ZNF486: variants seen among roughly 807,000 people sequenced by gnomAD.
ZNF486 encodes the protein KRAB box only protein 2.
ZNF486 carries 12 observed loss-of-function variants against 12.8 expected under a neutral mutation model. The observed-to-expected ratio is 0.94, with a 90% CI of 0.60 to 1.52. The LOEUF (loss-of-function observed/expected upper bound fraction) is 1.52, where lower values mean the gene tolerates loss of function less well. Ranked by LOEUF, ZNF486 falls within the 40% of genes most tolerant of loss-of-function variation. The probability of loss-of-function intolerance (pLI) is 0.00; values close to 1 mark genes in which losing one functional copy is unlikely to be tolerated. For synonymous variants in ZNF486, 231 were observed against 184.9 expected, an observed-to-expected ratio of 1.25 and a Z score of -2.02; for missense variants, 738 against 545.0, an observed-to-expected ratio of 1.35 and a Z score of -3.53.
chr19:20,167,308 G>A lies in ZNF486; in HGVS notation c.-23G>A, dbSNP rs1555713142. On this transcript the variant is annotated 5_prime_UTR_variant, in exon 1 of 4. Coordinates refer to ENST00000335117, the MANE Select transcript of ZNF486 (RefSeq NM_052852.4). ...CCCTCTGTGGCCCTGTGTCCTGTAG[G>A]TATTGGGAGATCCACAGCCAAGATG... is the stretch of plus-strand genomic sequence containing the variant. The A allele has an allele frequency of 6.2e-7, 1 of 1,614,088 alleles. No homozygotes were observed. The highest frequency in any genetic ancestry group is 1.1e-5 in the South Asian group (1 of 91,068).
At chr19:20,175,107 A>G (rs2089691088) in intron 1 of ZNF486, 1 of 152,176 alleles carries the variant, frequency 6.6e-6, no homozygotes, top group Non-Finnish European at 1.5e-5. Context: ...TGGGAAAGAA[A>G]CTTTATAAAA....
At chr19:20,172,248 C>T (rs539705595) in intron 1 of ZNF486, among the ~76,000 whole-genome samples, 23 of 152,154 alleles carry the variant, frequency 1.5e-4, no homozygotes, top group South Asian at 4.1e-4. Flanking sequence ...GGTGATTACC[C>T]GGCCTCAGCC....
chr19:20,178,675 G>A lies in ZNF486; in HGVS notation c.31-5681G>A, dbSNP rs184055818. ...AGGCTTCCAGTCAATTCACACTTGT[G>A]CAGCAAAGTGCATGCTGTCCCCTAA... On this transcript the variant is annotated intron_variant, in intron 1 of 3. Coordinates refer to ENST00000335117, the MANE Select transcript of ZNF486 (RefSeq NM_052852.4). Among the ~76,000 whole-genome samples, 171 of 152,306 alleles carry A rather than the reference G, an allele frequency of 1.1e-3. 1 individual carries two copies. The highest frequency in any genetic ancestry group is 3.9e-3 in the African/African-American group (161 of 41,562).
At chr19:20,172,551 G>A (rs558512873) in intron 1 of ZNF486, among the ~76,000 whole-genome samples, 20 of 152,086 alleles carry the variant, frequency 1.3e-4, no homozygotes, top group Admixed American at 8.5e-4. Context: ...TGCCTGCCTT[G>A]GCTTTCCAAA....
chr19:20,171,130 A>G (rs2089643202), intron 1 of ZNF486, among the ~76,000 whole-genome samples: 3 of 152,206 alleles, frequency 2.0e-5, no homozygotes, highest in Admixed American at 1.3e-4. Flanking sequence ...TTTGATGTTC[A>G]GCAAACTCTA....
At chr19:20,174,120 G>C (rs1163456125) in intron 1 of ZNF486, among the ~76,000 whole-genome samples, 39 of 152,126 alleles carry the variant, frequency 2.6e-4, no homozygotes, top group Non-Finnish European at 2.9e-5. Context: ...ACAAAGATAG[G>C]ATCAAATTTA....
chr19:20,177,766 G>T (rs2089736981), intron 1 of ZNF486, among the ~76,000 whole-genome samples: 1 of 152,072 alleles, frequency 6.6e-6, no homozygotes, highest in Non-Finnish European at 1.5e-5. Context: ...AGTAGAGAGG[G>T]GGTTTGTCAG....
At chr19:20,179,268 T>C (rs1555715229) in intron 1 of ZNF486, among the ~76,000 whole-genome samples, 1 of 151,618 alleles carries the variant, frequency 6.6e-6, no homozygotes, top group Admixed American at 6.6e-5. Flanking sequence ...AGATATCTAA[T>C]CAATAATCAA....
At chr19:20,183,498 A>G (rs572427130) in intron 1 of ZNF486, among the ~76,000 whole-genome samples, 1 of 152,308 alleles carries the variant, frequency 6.6e-6, no homozygotes, top group East Asian at 1.9e-4. Context: ...AGTTAGCATA[A>G]AACATGTTTC....
At chr19:20,174,288 C>A (rs1711653364) in intron 1 of ZNF486, among the ~76,000 whole-genome samples, 1 of 152,182 alleles carries the variant, frequency 6.6e-6, no homozygotes, top group Non-Finnish European at 1.5e-5. Flanking sequence ...GTAGTTGTGC[C>A]TGGCTTTCTA....
At chr19:20,184,277 T>C (rs1409097364) in intron 1 of ZNF486, 79 bp from the exon 2 acceptor site, 2 of 1,595,868 alleles carry the variant, frequency 1.3e-6, no homozygotes, top group Non-Finnish European at 1.7e-6. Flanking sequence ...TCAGTTCTCT[T>C]ACTCTCTCAT....
chr19:20,172,890 C>G (rs972488183), intron 1 of ZNF486, among the ~76,000 whole-genome samples: 1 of 152,172 alleles, frequency 6.6e-6, no homozygotes. Flanking sequence ...ATACACCCGC[C>G]TTGGCCTCCC....
In ZNF486 at chr19:20,199,810, T is replaced by G. The variant is rs1308737487; in HGVS notation, c.*1708T>G. ...ACTTGTTCCAGCTGCGTGTGGTGGC[T>G]CATGCCTGTAATCCCAACACTTTGG... On this transcript the variant is annotated 3_prime_UTR_variant, in exon 4 of 4. Transcript: ENST00000335117. 6.6e-6 allele frequency: 1 copy of G among 152,194 alleles called. No homozygotes were observed. The highest frequency in any genetic ancestry group is 1.9e-4 in the East Asian group (1 of 5,192). The allele number at this position is 152,194 out of a possible 1,614,324, so 9.4% of individuals were successfully genotyped here.
At chr19:20,187,761 C>T (rs1195235112) in intron 3 of ZNF486, among the ~76,000 whole-genome samples, 1 of 152,034 alleles carries the variant, frequency 6.6e-6, no homozygotes, top group Non-Finnish European at 1.5e-5. Flanking sequence ...CCTCGGCCTC[C>T]CAAAGTGCTG....
chr19:20,181,335 C>T (rs1416464248), intron 1 of ZNF486, among the ~76,000 whole-genome samples: 1 of 152,066 alleles, frequency 6.6e-6, no homozygotes, highest in African/African-American at 2.4e-5. Flanking sequence ...GTCAGGAAAT[C>T]GAGACCATCC....
intron 3 of ZNF486, 77 bp from the exon 4 acceptor site, chr19:20,196,887 T>G: frequency 6.8e-7 from 1 of 1,463,320 alleles, no homozygotes; most frequent in Non-Finnish European, 9.1e-7. Flanking sequence ...GTTTGTATAA[T>G]TTTATAGGTT....
intron 1 of ZNF486, among the ~76,000 whole-genome samples, chr19:20,177,223 C>T (rs1272617851): frequency 2.0e-5 from 3 of 152,302 alleles, no homozygotes; most frequent in African/African-American, 7.2e-5. Context: ...TGCTGTAGCC[C>T]ACTGCCAGTG....
intron 3 of ZNF486, among the ~76,000 whole-genome samples, chr19:20,192,218 A>G (rs782479751): frequency 3.9e-5 from 6 of 152,162 alleles, no homozygotes; most frequent in Non-Finnish European, 8.8e-5. Context: ...ATTTGACTCA[A>G]TGCTACAATG....
chr19:20,191,468 A>C (rs1352046768), intron 3 of ZNF486, among the ~76,000 whole-genome samples: 1 of 138,618 alleles, frequency 7.2e-6, no homozygotes, highest in Admixed American at 7.4e-5. Context: ...CCTTCAAAAA[A>C]AAAAAAAAAT....
Sources: gnomAD v4.1 joint callset for allele counts (sites outside exome capture counted in the v4.1 genomes callset) on GRCh38, gnomAD v4.1.1 for gene constraint, MANE v1.5 for transcripts, NCBI Gene and HGNC (gene_info 2026-07-23, HGNC 2026-07-21) for gene names.